DUSP11: variants seen among roughly 807,000 people sequenced by gnomAD.
DUSP11 encodes dual specificity phosphatase 11, also known as RNA/RNP complex-1-interacting phosphatase.
In DUSP11, 27 loss-of-function variants were observed where a neutral mutation model predicts 41.4. The ratio of observed to expected loss-of-function variants is 0.65; its 90% CI spans 0.48 to 0.90. The LOEUF (loss-of-function observed/expected upper bound fraction) is 0.90, where lower values mean the gene tolerates loss of function less well. Among genes scored for constraint, DUSP11 ranks in the 40% least tolerant of loss-of-function variants. DUSP11 has a pLI of 0.00. For synonymous variants in DUSP11, 188 were observed against 159.3 expected, an observed-to-expected ratio of 1.18 and a Z score of -1.35; for missense variants, 465 against 461.1, an observed-to-expected ratio of 1.01 and a Z score of -0.08.
At chr2:73,776,287 C>T (rs542974411) in intron 2 of DUSP11, among the ~76,000 whole-genome samples, 164 of 151,690 alleles carry the variant, frequency 1.1e-3, no homozygotes, top group African/African-American at 3.6e-3. Flanking sequence ...TGGTGGCAGG[C>T]GCCGGTAGTT....
chr2:73,767,734 T>C (rs1422559657), intron 5 of DUSP11: 2 of 153,158 alleles, frequency 1.3e-5, no homozygotes, highest in Admixed American at 6.6e-5. Context: ...CTCTATAGAG[T>C]ATATCTGTAT....
intron 5 of DUSP11, 87 bp downstream of exon 5, chr2:73,769,178 C>G: frequency 8.9e-7 from 1 of 1,128,730 alleles, no homozygotes; most frequent in South Asian, 1.4e-5. Context: ...TATTTCTATA[C>G]CAGTTCCATT....
At chr2:73,771,477 TATG>T (rs1195270536) in intron 4 of DUSP11, among the ~76,000 whole-genome samples, 1 of 151,964 alleles carries the variant, frequency 6.6e-6, no homozygotes, top group Non-Finnish European at 1.5e-5. Flanking sequence ...ATTCTTTTAT[TATG>T]ATGAACTGTC....
intron 5 of DUSP11, chr2:73,768,707 A>G (rs995305204): frequency 2.0e-6 from 2 of 977,296 alleles, no homozygotes; most frequent in African/African-American, 3.5e-5. Context: ...CTGTAATACC[A>G]GCACTTTGGG....
chr2:73,779,817 C>A, intron 1 of DUSP11, 57 bp downstream of exon 1: 1 of 1,606,496 alleles, frequency 6.2e-7, no homozygotes, highest in South Asian at 1.1e-5. Context: ...AACGATGAAG[C>A]CCAGACCCAG....
intron 1 of DUSP11, chr2:73,779,631 T>C (rs1328575083): frequency 3.3e-6 from 2 of 611,626 alleles, no homozygotes; most frequent in South Asian, 2.1e-5. Flanking sequence ...AATCCTTCCG[T>C]ATTTTACCTA....
intron 1 of DUSP11, among the ~76,000 whole-genome samples, chr2:73,779,159 A>G (rs1326235259): frequency 6.6e-6 from 1 of 152,190 alleles, no homozygotes; most frequent in African/African-American, 2.4e-5. Context: ...CCCAAAAACA[A>G]AAACAAAAAA....
Position 73,769,714 on chromosome 2 carries a change from T to C in DUSP11, c.575-389A>G, listed in dbSNP as rs987407094. 7.9e-5 allele frequency among the ~76,000 whole-genome samples: 12 copies of C among 152,358 alleles called. No individual in the cohort carries two copies. The South Asian group carries it at 1.9e-3, about 24-fold the overall frequency. Reference sequence around the variant, plus strand: ...GGCCTTCACTCTTGATACTGAATATTAAGGACAGTTTCCATAGTACTCTTG... The same window carrying C: ...GGCCTTCACTCTTGATACTGAATATCAAGGACAGTTTCCATAGTACTCTTG... On this transcript the variant is annotated intron_variant, in intron 4 of 8. Coordinates refer to ENST00000272444, the Ensembl canonical transcript of DUSP11.
At chr2:73,773,035 A>G (rs993774768) in intron 4 of DUSP11, among the ~76,000 whole-genome samples, 2 of 152,246 alleles carry the variant, frequency 1.3e-5, no homozygotes, top group East Asian at 3.8e-4. Flanking sequence ...AAGCTTCTTC[A>G]GTCTTAAAAT....
At chr2:73,776,196 C>T (rs866766171) in intron 2 of DUSP11, among the ~76,000 whole-genome samples, 13 of 151,776 alleles carry the variant, frequency 8.6e-5, no homozygotes, top group African/African-American at 3.1e-4. Context: ...AGGAGGATCA[C>T]GAGGTCAGGA....
At chr2:73,777,431 A>G (rs529741890) in intron 2 of DUSP11, among the ~76,000 whole-genome samples, 1 of 152,400 alleles carries the variant, frequency 6.6e-6, no homozygotes, top group South Asian at 2.1e-4. Flanking sequence ...GGGAAGTCTA[A>G]TAAGAAAGAC....
chr2:73,765,214 C>A (rs1672436209), intron 8 of DUSP11, among the ~76,000 whole-genome samples: 1 of 152,040 alleles, frequency 6.6e-6, no homozygotes, highest in African/African-American at 2.4e-5. Context: ...GGCCTGGATA[C>A]AACAAAAAGG....
chr2:73,775,861 A>T (rs1191800469), intron 2 of DUSP11, among the ~76,000 whole-genome samples: 1 of 80,674 alleles, frequency 1.2e-5, no homozygotes, highest in African/African-American at 3.8e-5. Context: ...CAAAAAAAAA[A>T]TTTAAAAAAA....
At chr2:73,779,723 C>T (rs1672756004) in intron 1 of DUSP11, 151 bp downstream of exon 1, 8 of 1,165,570 alleles carry the variant, frequency 6.9e-6, no homozygotes, top group Admixed American at 2.8e-5. Flanking sequence ...TCAGCTACAG[C>T]GGGTGGCGCA....
chr2:73,769,110 C>T (rs997440948), intron 5 of DUSP11, among the ~76,000 whole-genome samples, 155 bp downstream of exon 5: 1 of 152,036 alleles, frequency 6.6e-6, no homozygotes, highest in African/African-American at 2.4e-5. Context: ...AAGATGTGTA[C>T]TAAATTATTA....
At position 73,765,573 on chromosome 2, in the gene DUSP11, TATCC is replaced by T. The variant is rs747641644; in HGVS notation, c.935+841_935+844del. Among the ~76,000 whole-genome samples, 917 of 151,576 alleles carry T rather than the reference TATCC, an allele frequency of 6.0e-3. 12 individuals are homozygous for T. Among genetic ancestry groups the T allele is most frequent in the African/African-American group, 0.02 (839 of 41,238 alleles). Reference sequence around the variant, plus strand: ...CCACCCACCCATCCACCCATCCATCTATCCATCCATCCATCCATCCATCCATCCA... The same window carrying T: ...CCACCCACCCATCCACCCATCCATCTATCCATCCATCCATCCATCCATCCA... On this transcript the variant is annotated intron_variant, in intron 8 of 8. Coordinates refer to ENST00000272444, the Ensembl canonical transcript of DUSP11.
At chr2:73,769,438 T>C (rs1672531272) in intron 4 of DUSP11, 113 bp from the exon 5 acceptor site, 1 of 803,856 alleles carries the variant, frequency 1.2e-6, no homozygotes, top group South Asian at 1.9e-5. Flanking sequence ...TCTAGGAACA[T>C]ACTATAAAGA....
intron 4 of DUSP11, among the ~76,000 whole-genome samples, chr2:73,772,527 G>A (rs2421559): frequency 0.59 from 89,727 of 152,038 alleles, 27,413 homozygotes; most frequent in East Asian, 0.68. Context: ...ATTTAAAAAT[G>A]TGTTCTCATG....
rs191313770 is a variant in DUSP11, at chr2:73,776,792, C to T, written c.318+1509G>A. Among the ~76,000 whole-genome samples, 172 of 152,300 alleles carry T rather than the reference C, an allele frequency of 1.1e-3. 1 individual carries two copies. Among genetic ancestry groups the T allele is most frequent in the African/African-American group, 3.5e-3 (145 of 41,574 alleles). ...TTTATTAGATGTAACCATCTATTCT[C>T]TGAGCTTAGTGCAGAATAAGCACTC... On this transcript the variant is annotated intron_variant, in intron 2 of 8. Transcript: ENST00000272444.
Sources: allele counts gnomAD v4.1 joint callset (sites outside exome capture counted in the v4.1 genomes callset), GRCh38; gene constraint gnomAD v4.1.1; transcripts MANE v1.5; gene names NCBI Gene and HGNC (gene_info 2026-07-23, HGNC 2026-07-21).